SYT16: variants seen among roughly 807,000 people sequenced by gnomAD.
SYT16 encodes the protein synaptotagmin-16.
SYT16 carries 42 observed loss-of-function variants against 61.4 expected under a neutral mutation model. That is an observed-to-expected ratio of 0.68 (90% CI 0.53 to 0.89). The LOEUF (loss-of-function observed/expected upper bound fraction) is 0.89, where lower values mean the gene tolerates loss of function less well. SYT16 is among the 40% of genes least tolerant of loss of function. The probability of loss-of-function intolerance (pLI) is 0.00; values close to 1 mark genes in which losing one functional copy is unlikely to be tolerated. For synonymous variants in SYT16, 314 were observed against 302.3 expected, an observed-to-expected ratio of 1.04 and a Z score of -0.40; for missense variants, 804 against 807.3, an observed-to-expected ratio of 1.00 and a Z score of 0.05.
chr14:61,937,404 C>T (rs149985997), intron 1 of SYT16, among the ~76,000 whole-genome samples: 11 of 152,290 alleles, frequency 7.2e-5, no homozygotes, highest in African/African-American at 2.6e-4. Context: ...GAGGGGAAGT[C>T]CTTTGAAAGT....
At chr14:61,920,389 T>C (rs1344799118) in intron 1 of SYT16, among the ~76,000 whole-genome samples, 1 of 152,188 alleles carries the variant, frequency 6.6e-6, no homozygotes, top group African/African-American at 2.4e-5. Flanking sequence ...AAGACCCACA[T>C]GCATTAGGTA....
intron 2 of SYT16, among the ~76,000 whole-genome samples, chr14:61,982,060 A>G (rs1392950375): frequency 1.3e-5 from 2 of 152,150 alleles, no homozygotes; most frequent in Admixed American, 6.5e-5. Context: ...TGTGTAACAT[A>G]TGGATATATA....
chr14:61,880,027 C>A (rs2047641572), intron 1 of SYT16, among the ~76,000 whole-genome samples: 1 of 152,190 alleles, frequency 6.6e-6, no homozygotes, highest in Admixed American at 6.5e-5. Context: ...TCGAATCCAG[C>A]ACCCCACTCA....
At chr14:61,830,944 C>A (rs900714195) in intron 1 of SYT16, among the ~76,000 whole-genome samples, 1 of 152,160 alleles carries the variant, frequency 6.6e-6, no homozygotes, top group Non-Finnish European at 1.5e-5. Flanking sequence ...CAGAGAGATG[C>A]GGTTCTTTTG....
chr14:62,044,904 C>T (rs1381543885), intron 3 of SYT16, among the ~76,000 whole-genome samples: 1 of 152,130 alleles, frequency 6.6e-6, no homozygotes, highest in Non-Finnish European at 1.5e-5. Flanking sequence ...CTTTGGGAGG[C>T]AGAGGTGGGT....
chr14:61,847,350 C>A (rs1188614470), intron 1 of SYT16, among the ~76,000 whole-genome samples: 1 of 151,816 alleles, frequency 6.6e-6, no homozygotes, highest in Non-Finnish European at 1.5e-5. Flanking sequence ...CTTTTTTTCC[C>A]CAGCACTTTA....
chr14:61,863,613 T>C lies in SYT16; in HGVS notation c.-325+50803T>C, dbSNP rs374728451. ...TTTCACAGAGCGGAAAGATTTAATT[T>C]TAATAAAGTCCAACTTATCAATTCT... On this transcript the variant is annotated intron_variant, in intron 1 of 7. Transcript: ENST00000683842. Among the ~76,000 whole-genome samples the C allele has an allele frequency of 5.3e-5, 8 of 152,234 alleles. No individual in the cohort carries two copies. The East Asian group carries it at 1.3e-3, about 26-fold the overall frequency.
chr14:62,048,129 TATTA>T (rs1466835026), intron 3 of SYT16, among the ~76,000 whole-genome samples: 2 of 152,226 alleles, frequency 1.3e-5, no homozygotes, highest in Non-Finnish European at 2.9e-5. Context: ...GTTGGTAAGC[TATTA>T]ATTATTGCCT....
At chr14:62,082,152 G>C (rs554719013) in intron 6 of SYT16, among the ~76,000 whole-genome samples, 1 of 152,126 alleles carries the variant, frequency 6.6e-6, no homozygotes, top group Non-Finnish European at 1.5e-5. Flanking sequence ...AGGAGGATGA[G>C]AGTTCCAGAC....
At chr14:61,878,121 G>T (rs188636116) in intron 1 of SYT16, among the ~76,000 whole-genome samples, 3 of 152,228 alleles carry the variant, frequency 2.0e-5, no homozygotes, top group Admixed American at 1.3e-4. Context: ...ATTACAGTAC[G>T]CAGAGGCAAA....
chr14:62,099,855 G>C (rs142840155), intron 7 of SYT16, among the ~76,000 whole-genome samples: 1 of 152,028 alleles, frequency 6.6e-6, no homozygotes, highest in East Asian at 1.9e-4. Flanking sequence ...CCCAGCCTGG[G>C]CAACGGAGCA....
In SYT16 at chr14:61,963,861, A is replaced by G. The variant is rs141133236; in HGVS notation, c.-324-6271A>G. Reference sequence around the variant, plus strand: ...GAAGCCAATGCTCATTGACCATTCAAAAAATTCCAGGACCCTTAAGAATTA... The same window carrying G: ...GAAGCCAATGCTCATTGACCATTCAGAAAATTCCAGGACCCTTAAGAATTA... On this transcript the variant is annotated intron_variant, in intron 1 of 7. Coordinates refer to ENST00000683842, the MANE Select transcript of SYT16 (RefSeq NM_001367656.1). 1.9e-3 allele frequency among the ~76,000 whole-genome samples: 286 copies of G among 152,308 alleles called. 1 individual carries two copies. The highest frequency in any genetic ancestry group is 6.6e-3 in the African/African-American group (274 of 41,576).
intron 1 of SYT16, chr14:61,832,223 C>T: frequency 1.6e-6 from 1 of 635,300 alleles, no homozygotes; most frequent in East Asian, 3.5e-5. Context: ...TGACATGGGC[C>T]ACATCGGGTA....
At chr14:62,014,373 A>G (rs992835036) in intron 3 of SYT16, among the ~76,000 whole-genome samples, 9 of 151,904 alleles carry the variant, frequency 5.9e-5, no homozygotes, top group Non-Finnish European at 1.0e-4. Context: ...ACCAAATCCT[A>G]TTGATTCCGT....
In SYT16 at chr14:62,084,348, C is replaced by T; in HGVS notation, c.1587C>T (p.Gly529=). ...TGRLSVEMIK[G]SHFRNLAVNR... ...GATTATCTGTGGAAATGATCAAAGG[C>T]AGCCATTTCCGAAACCTCGCTGTTA... Residue 529 remains glycine (G), a synonymous_variant, in exon 7 of 8, where the codon GGC becomes GGT. Transcript: ENST00000683842. The T allele has an allele frequency of 6.2e-7, 1 of 1,613,026 alleles. No individual in the cohort carries two copies. The highest frequency in any genetic ancestry group is 8.5e-7 in the Non-Finnish European group (1 of 1,179,776).
Position 61,865,633 on chromosome 14 carries a change from A to G in SYT16, c.-325+52823A>G, listed in dbSNP as rs1163757059. Among the ~76,000 whole-genome samples the G allele has an allele frequency of 3.3e-5, 5 of 152,234 alleles. No individual in the cohort carries two copies. In the South Asian group the frequency reaches 6.2e-4, roughly 19 times the overall value. On this transcript the variant is annotated intron_variant, in intron 1 of 7. Transcript: ENST00000683842. ...TTATTTGCATTTTTCAGTAATATAC[A>G]TAGGAGCTGGAGATTCTACAGTATC... is the stretch of plus-strand genomic sequence containing the variant.
chr14:61,833,348 G>A (rs1208766707), intron 1 of SYT16, among the ~76,000 whole-genome samples: 3 of 148,828 alleles, frequency 2.0e-5, no homozygotes, highest in Non-Finnish European at 3.0e-5. Context: ...ACTGGAGTGC[G>A]ATGGCTCGAT....
intron 3 of SYT16, among the ~76,000 whole-genome samples, chr14:62,054,245 T>C (rs977545679): frequency 6.6e-5 from 10 of 152,300 alleles, no homozygotes; most frequent in African/African-American, 2.4e-4. Flanking sequence ...CAGGGAATCA[T>C]TTGGGGGCTG....
At chr14:61,949,623 T>G (rs533259839) in intron 1 of SYT16, among the ~76,000 whole-genome samples, 5 of 152,292 alleles carry the variant, frequency 3.3e-5, no homozygotes, top group Admixed American at 3.3e-4. Flanking sequence ...CGCACTGGGC[T>G]GATTCTTGTA....
Sources: gnomAD v4.1 joint callset for allele counts (sites outside exome capture counted in the v4.1 genomes callset) on GRCh38, gnomAD v4.1.1 for gene constraint, MANE v1.5 for transcripts, NCBI Gene and HGNC (gene_info 2026-07-23, HGNC 2026-07-21) for gene names.